Variants in FSTL5 observed in about 807,000 individuals in gnomAD.
FSTL5 encodes the protein follistatin-related protein 5.
A neutral mutation model predicts 89.1 loss-of-function variants in FSTL5; 62 were observed. The observed-to-expected ratio is 0.70, with a 90% CI of 0.57 to 0.86. FSTL5 has a LOEUF of 0.86. FSTL5 is among the 40% of genes least tolerant of loss of function. The pLI is 0.00. For missense variants in FSTL5, 1,057 were observed against 1,001.6 expected (o/e 1.06, Z -0.75); for synonymous variants, 383 against 346.2 (o/e 1.11, Z -1.18).
At chr4:161,795,309 A>T (rs956885450) in intron 4 of FSTL5, among the ~76,000 whole-genome samples, 1 of 152,124 alleles carries the variant, frequency 6.6e-6, no homozygotes, top group Non-Finnish European at 1.5e-5. Flanking sequence ...GTCTAAATTT[A>T]TTTAAAATGG....
At chr4:162,081,903 T>C (rs949196611) in intron 2 of FSTL5, among the ~76,000 whole-genome samples, 1 of 151,434 alleles carries the variant, frequency 6.6e-6, no homozygotes, top group Admixed American at 6.6e-5. Context: ...TAAACAAAAA[T>C]CAGCCCTTAA....
At chr4:161,554,867 C>T (rs1017419193) in intron 8 of FSTL5, among the ~76,000 whole-genome samples, 4 of 151,634 alleles carry the variant, frequency 2.6e-5, no homozygotes, top group African/African-American at 7.2e-5. Flanking sequence ...AGCAACTTTC[C>T]TATGAAAAAT....
chr4:161,899,551 C>T (rs868765071), intron 4 of FSTL5, among the ~76,000 whole-genome samples: 2 of 152,182 alleles, frequency 1.3e-5, no homozygotes, highest in Middle Eastern at 3.2e-3. Context: ...CTGCTCTATT[C>T]CTATTTATTC....
chr4:161,554,613 C>T (rs527683231), intron 8 of FSTL5, among the ~76,000 whole-genome samples: 5 of 151,732 alleles, frequency 3.3e-5, no homozygotes, highest in African/African-American at 9.6e-5. Context: ...TAAGGTGAAT[C>T]GTCAGGTCAC....
At chr4:161,710,879 C>A (rs892589113) in intron 6 of FSTL5, among the ~76,000 whole-genome samples, 1 of 152,058 alleles carries the variant, frequency 6.6e-6, no homozygotes, top group South Asian at 2.1e-4. Flanking sequence ...TACAACTCTA[C>A]AACATAAGGG....
At chr4:161,851,472 G>A (rs533980620) in intron 4 of FSTL5, among the ~76,000 whole-genome samples, 24 of 152,066 alleles carry the variant, frequency 1.6e-4, no homozygotes, top group South Asian at 8.3e-4. Flanking sequence ...ACGATTTCAG[G>A]TATCTTTCGT....
chr4:161,549,444 A>C (rs1560948662), intron 8 of FSTL5, among the ~76,000 whole-genome samples: 1 of 151,874 alleles, frequency 6.6e-6, no homozygotes, highest in Non-Finnish European at 1.5e-5. Context: ...TTTAATCATT[A>C]AATTCCCTGA....
chr4:161,759,754 A>G (rs1266196030), intron 5 of FSTL5, among the ~76,000 whole-genome samples: 1 of 152,200 alleles, frequency 6.6e-6, no homozygotes, highest in Admixed American at 6.5e-5. Context: ...AATTTCGTTC[A>G]AACGTTCTAA....
At chr4:162,110,891 A>G (rs1731408781) in intron 2 of FSTL5, among the ~76,000 whole-genome samples, 1 of 151,934 alleles carries the variant, frequency 6.6e-6, no homozygotes, top group Non-Finnish European at 1.5e-5. Context: ...TCTTATAACA[A>G]AGCTAAGCAT....
intron 7 of FSTL5, among the ~76,000 whole-genome samples, 158 bp downstream of exon 7, chr4:161,656,170 A>G (rs1322097620): frequency 3.3e-5 from 5 of 152,182 alleles, no homozygotes; most frequent in Non-Finnish European, 7.3e-5. Flanking sequence ...CAAAGGACCT[A>G]TAGTGCACCT....
intron 13 of FSTL5, among the ~76,000 whole-genome samples, chr4:161,461,039 C>A (rs148264972): frequency 1.4e-3 from 215 of 151,212 alleles, no homozygotes; most frequent in African/African-American, 5.1e-3. Context: ...TCCATTCCAT[C>A]AACAGAGATA....
At chr4:162,061,219 AG>A (rs1378225780) in intron 2 of FSTL5, among the ~76,000 whole-genome samples, 1 of 152,126 alleles carries the variant, frequency 6.6e-6, no homozygotes, top group African/African-American at 2.4e-5. Context: ...ACAAACAAGG[AG>A]TCACTAAGAC....
intron 7 of FSTL5, among the ~76,000 whole-genome samples, chr4:161,607,352 C>G (rs569927948): frequency 5.9e-5 from 9 of 152,076 alleles, no homozygotes; most frequent in Admixed American, 5.9e-4. Flanking sequence ...ACCCAGCTGC[C>G]TTTTTTAAGT....
chr4:161,420,616 TTCATATAG>T (rs1174899152), intron 15 of FSTL5, among the ~76,000 whole-genome samples: 1 of 151,804 alleles, frequency 6.6e-6, no homozygotes, highest in Admixed American at 6.6e-5. Context: ...AATAAATCTC[TTCATATAG>T]TCATATATTC....
At chr4:161,825,855 T>C (rs922067129) in intron 4 of FSTL5, among the ~76,000 whole-genome samples, 1 of 152,140 alleles carries the variant, frequency 6.6e-6, no homozygotes, top group Non-Finnish European at 1.5e-5. Flanking sequence ...GTTTCATTTA[T>C]CTTTTGTATT....
chr4:162,130,412 G>A (rs150513366), intron 1 of FSTL5, among the ~76,000 whole-genome samples: 276 of 152,190 alleles, frequency 1.8e-3, no homozygotes, highest in African/African-American at 6.3e-3. Context: ...TGATTAGAAA[G>A]GCGTAAGAAC....
chr4:162,107,047 T>C (rs1731251037), intron 2 of FSTL5, among the ~76,000 whole-genome samples: 1 of 152,206 alleles, frequency 6.6e-6, no homozygotes, highest in African/African-American at 2.4e-5. Flanking sequence ...TAGCCAGAAC[T>C]AGACACATGG....
At chr4:161,512,161 G>A (rs1484516473) in intron 10 of FSTL5, among the ~76,000 whole-genome samples, 1 of 152,036 alleles carries the variant, frequency 6.6e-6, no homozygotes, top group Non-Finnish European at 1.5e-5. Context: ...TTTAGGAATG[G>A]TTGAACTATG....
chr4:162,020,869 T>G (rs1052727777), intron 3 of FSTL5, among the ~76,000 whole-genome samples: 1 of 152,206 alleles, frequency 6.6e-6, no homozygotes, highest in African/African-American at 2.4e-5. Flanking sequence ...TTGTGCTGAT[T>G]GAACCAAATA....
Sources: gnomAD v4.1 joint callset for allele counts (sites outside exome capture counted in the v4.1 genomes callset) on GRCh38, gnomAD v4.1.1 for gene constraint, MANE v1.5 for transcripts, NCBI Gene and HGNC (gene_info 2026-07-23, HGNC 2026-07-21) for gene names.